The following SACM1L variants were observed in gnomAD, a reference collection of about 807,000 sequenced individuals.
SACM1L encodes the protein phosphatidylinositol-3-phosphatase SAC1.
A neutral mutation model predicts 89.5 loss-of-function variants in SACM1L; 32 were observed. The ratio of observed to expected loss-of-function variants is 0.36; its 90% CI spans 0.27 to 0.48. The LOEUF is 0.48. SACM1L is among the 20% of genes least tolerant of loss of function. The pLI, the probability that SACM1L is intolerant of heterozygous loss-of-function variation, is 0.99. For missense variants in SACM1L, 543 were observed against 708.5 expected (o/e 0.77, Z 2.65); for synonymous variants, 213 against 232.8 (o/e 0.92, Z 0.77).
chr3:45,697,268 C>CTTTT lies in SACM1L; in HGVS notation c.33-6170_33-6169insTTTT, dbSNP rs1559535250. On this transcript the variant is annotated intron_variant, in intron 1 of 19. Transcript: ENST00000389061. ...TCCTGCTTTGTTTTTCTTTTCTTTT[C>CTTTT]CTTTTTTTTTTTTTTTTTTTTTTTT... is the stretch of plus-strand genomic sequence containing the variant. 1.4e-3 allele frequency among the ~76,000 whole-genome samples: 153 copies of CTTTT among 110,584 alleles called. 3 individuals carry two copies. Among genetic ancestry groups the CTTTT allele is most frequent in the African/African-American group, 4.0e-3 (96 of 24,100 alleles). 72.5% of individuals were successfully genotyped at this position (110,584 alleles called of 152,430 possible).
intron 13 of SACM1L, among the ~76,000 whole-genome samples, chr3:45,734,182 G>C (rs1165024784): frequency 1.4e-5 from 2 of 142,366 alleles, no homozygotes; most frequent in African/African-American, 2.7e-5. Flanking sequence ...GGAAGCCAAG[G>C]CAGACGGATC....
In SACM1L at chr3:45,744,851, T is replaced by C. The variant is rs11547070; in HGVS notation, c.*1182T>C. On this transcript the variant is annotated 3_prime_UTR_variant, in exon 20 of 20. Coordinates refer to ENST00000389061, the MANE Select transcript of SACM1L (RefSeq NM_014016.5). ...GTAGTATAATTACCACTATTTTAAATAATTCAGTTAAACACTGCTGCAATA... is the reference window on the plus strand; with the variant it reads ...GTAGTATAATTACCACTATTTTAAACAATTCAGTTAAACACTGCTGCAATA... The C allele has an allele frequency of 0.63, 95,470 of 151,928 alleles. 30,380 individuals carry two copies. The highest frequency in any genetic ancestry group is 0.66 in the Non-Finnish European group (44,475 of 67,790). The allele number at this position is 151,928 out of a possible 1,614,324, so 9.4% of individuals were successfully genotyped here.
chr3:45,695,026 G>C (rs553148619), intron 1 of SACM1L, among the ~76,000 whole-genome samples: 1 of 152,252 alleles, frequency 6.6e-6, no homozygotes, highest in East Asian at 1.9e-4. Flanking sequence ...TGCCCCTGGG[G>C]AGTCTGTGAT....
At chr3:45,732,900 A>G (rs1022430069) in intron 13 of SACM1L, among the ~76,000 whole-genome samples, 1 of 152,250 alleles carries the variant, frequency 6.6e-6, no homozygotes, top group Non-Finnish European at 1.5e-5. Flanking sequence ...TTGTTACACA[A>G]TAATATAGTA....
chr3:45,728,174 G>A (rs1470360984), intron 11 of SACM1L, among the ~76,000 whole-genome samples: 2 of 152,036 alleles, frequency 1.3e-5, no homozygotes, highest in African/African-American at 2.4e-5. Flanking sequence ...ACCTATATGT[G>A]TCTTTAGGTC....
intron 1 of SACM1L, among the ~76,000 whole-genome samples, chr3:45,697,294 T>TTTTTA (rs1698155793): frequency 6.9e-6 from 1 of 144,738 alleles, no homozygotes; most frequent in Non-Finnish European, 1.5e-5. Context: ...TTTTTTTTTT[T>TTTTTA]AAGACAGGCT....
chr3:45,703,379 G>A, intron 1 of SACM1L, 59 bp from the exon 2 acceptor site: 1 of 1,166,446 alleles, frequency 8.6e-7, no homozygotes, highest in Non-Finnish European at 1.3e-6. Context: ...ATAATAAGTA[G>A]TTTTTTAGAA....
intron 13 of SACM1L, chr3:45,734,817 A>G (rs577678174): frequency 6.5e-6 from 1 of 153,890 alleles, no homozygotes; most frequent in Non-Finnish European, 1.4e-5. Context: ...AAGGCCAGGA[A>G]TCTTTTTTCA....
intron 1 of SACM1L, among the ~76,000 whole-genome samples, chr3:45,693,216 GTA>G (rs1698039425): frequency 6.6e-6 from 1 of 152,202 alleles, no homozygotes; most frequent in African/African-American, 2.4e-5. Context: ...CATCATATGT[GTA>G]GTCTGTCGTT....
chr3:45,720,242 A>G lies in SACM1L; in HGVS notation c.679+641A>G, dbSNP rs1698757559. 2.0e-5 allele frequency among the ~76,000 whole-genome samples: 3 copies of G among 152,194 alleles called. No individual in the cohort carries two copies. The South Asian group carries it at 6.2e-4, about 31-fold the overall frequency. ...TCATAGCAGAGGAAGAATAACATTG[A>G]GTGAGTGACCTGGCAAAGATCACAA... On this transcript the variant is annotated intron_variant, in intron 8 of 19. Coordinates refer to ENST00000389061, the MANE Select transcript of SACM1L (RefSeq NM_014016.5).
rs1358506356 is a variant in SACM1L at position 45,696,086 on chromosome 3, C to CT, written c.32+6590dup. Among the ~76,000 whole-genome samples, 3 of 151,698 alleles carry CT rather than the reference C, an allele frequency of 2.0e-5. No homozygotes were observed. The South Asian group carries it at 6.3e-4, about 32-fold the overall frequency. Reference sequence around the variant, plus strand: ...GATCTCGGCCCACTGCAACCTCTGCCTCCTGGGTTCAAGCAATTCTCCTGC... The same window carrying CT: ...GATCTCGGCCCACTGCAACCTCTGCCTTCCTGGGTTCAAGCAATTCTCCTGC... On this transcript the variant is annotated intron_variant, in intron 1 of 19. Coordinates refer to ENST00000389061, the MANE Select transcript of SACM1L (RefSeq NM_014016.5).
intron 7 of SACM1L, among the ~76,000 whole-genome samples, 195 bp downstream of exon 7, chr3:45,714,274 T>C (rs1698596183): frequency 6.6e-6 from 1 of 151,078 alleles, no homozygotes; most frequent in African/African-American, 2.4e-5. Flanking sequence ...CTTTTCAGAC[T>C]ATACGATTCT....
At chr3:45,718,544 A>G (rs1399510608) in intron 7 of SACM1L, among the ~76,000 whole-genome samples, 1 of 152,152 alleles carries the variant, frequency 6.6e-6, no homozygotes, top group Non-Finnish European at 1.5e-5. Flanking sequence ...TAGATGTGTA[A>G]TTCAGTGAGT....
chr3:45,705,075 T>A, intron 2 of SACM1L, 60 bp from the exon 3 acceptor site: 1 of 1,094,132 alleles, frequency 9.1e-7, no homozygotes, highest in Admixed American at 2.0e-5. Flanking sequence ...CGAACTAAAT[T>A]TCTGTTTCTG....
chr3:45,735,457 C>T, intron 14 of SACM1L, 84 bp downstream of exon 14: 2 of 1,308,776 alleles, frequency 1.5e-6, no homozygotes, highest in Non-Finnish European at 2.1e-6. Context: ...AAAAAATATT[C>T]ACATTGCCCA....
At chr3:45,739,703 T>C (rs1699275810) in intron 19 of SACM1L, 59 bp downstream of exon 19, 1 of 1,520,100 alleles carries the variant, frequency 6.6e-7, no homozygotes, top group African/African-American at 1.4e-5. Context: ...TTTTACAACA[T>C]CTTAAGTTTT....
At chr3:45,692,135 C>T (rs1470861656) in intron 1 of SACM1L, among the ~76,000 whole-genome samples, 1 of 152,192 alleles carries the variant, frequency 6.6e-6, no homozygotes, top group East Asian at 1.9e-4. Context: ...ATACTGGTCA[C>T]ATCCATGGTA....
chr3:45,718,238 A>C (rs1698709354), intron 7 of SACM1L, among the ~76,000 whole-genome samples: 1 of 152,198 alleles, frequency 6.6e-6, no homozygotes. Context: ...CCTCATGACT[A>C]TAATGAGCAA....
intron 8 of SACM1L, 133 bp downstream of exon 8, chr3:45,719,734 A>C: frequency 1.9e-6 from 1 of 535,462 alleles, no homozygotes; most frequent in Non-Finnish European, 3.3e-6. Context: ...CTCCTGCTTC[A>C]TTGTAATAAT....
Sources: gnomAD v4.1 joint callset for allele counts (sites outside exome capture counted in the v4.1 genomes callset) on GRCh38, gnomAD v4.1.1 for gene constraint, MANE v1.5 for transcripts, NCBI Gene and HGNC (gene_info 2026-07-23, HGNC 2026-07-21) for gene names.